Variants in ERBIN observed in about 807,000 individuals in gnomAD.
ERBIN encodes densin-180-like protein.
In ERBIN, 60 loss-of-function variants were observed where a neutral mutation model predicts 158.4. The observed-to-expected ratio is 0.38, with a 90% confidence interval of 0.31 to 0.47. ERBIN has a LOEUF of 0.47. Ranked by LOEUF, ERBIN falls within the 20% of genes least tolerant of loss-of-function variation. ERBIN has a pLI of 0.99. For missense variants in ERBIN, 1,610 were observed against 1,648.0 expected (o/e 0.98, Z 0.40); for synonymous variants, 594 against 557.2 (o/e 1.07, Z -0.93).
rs1758446419 is a variant in ERBIN at position 66,046,411 on chromosome 5, T to C, written c.1661T>C (p.Ile554Thr). 2 of 1,606,812 alleles carry C rather than the reference T, an allele frequency of 1.2e-6. No homozygotes were observed. Among genetic ancestry groups the C allele is most frequent in the African/African-American group, 2.7e-5 (2 of 74,788 alleles). ...GTTGATGAAAGAGAAAAATATATGATAGGAAACTCTGTACAGAAGATCAGT... is the reference window on the plus strand; with the variant it reads ...GTTGATGAAAGAGAAAAATATATGACAGGAAACTCTGTACAGAAGATCAGT... ...SKVDEREKYM[I>T]GNSVQKISEP... The change falls in exon 18 of 26, where the codon ATA becomes ACA. Residue 554 changes from isoleucine (I) to threonine (T), a missense_variant. Physicochemically the swap from Ile to Thr is moderately conservative, Grantham distance 89. Around this residue, in one of 2 missense-constraint regions of ERBIN, gnomAD observed 596 missense variants for 711.9 expected, o/e 0.84. Coordinates refer to ENST00000284037, the MANE Select transcript of ERBIN (RefSeq NM_001253697.2).
intron 21 of ERBIN, among the ~76,000 whole-genome samples, chr5:66,061,311 T>C (rs948661445): frequency 2.0e-5 from 3 of 152,202 alleles, no homozygotes; most frequent in African/African-American, 7.2e-5. Context: ...CTTCTTTGAC[T>C]CTTTTGATCT....
At chr5:65,937,407 A>C (rs912024983) in intron 1 of ERBIN, among the ~76,000 whole-genome samples, 1 of 152,168 alleles carries the variant, frequency 6.6e-6, no homozygotes, top group Non-Finnish European at 1.5e-5. Context: ...TTTACTTCTG[A>C]AAGTCTGCCT....
intron 14 of ERBIN, among the ~76,000 whole-genome samples, chr5:66,029,569 TCTGTC>T (rs545193447): frequency 7.6e-4 from 110 of 144,996 alleles, no homozygotes; most frequent in South Asian, 2.9e-3. Flanking sequence ...TCTGTTCTGT[TCTGTC>T]CTGTCCTGTC....
chr5:65,997,437 T>A (rs1752554364), intron 4 of ERBIN, among the ~76,000 whole-genome samples: 1 of 152,210 alleles, frequency 6.6e-6, no homozygotes, highest in Non-Finnish European at 1.5e-5. Flanking sequence ...GTAGTCTTGT[T>A]TAGTATGTTT....
intron 1 of ERBIN, among the ~76,000 whole-genome samples, chr5:65,975,375 G>A (rs539928203): frequency 1.3e-5 from 2 of 152,144 alleles, no homozygotes; most frequent in Middle Eastern, 3.4e-3. Flanking sequence ...GCGCAATCTC[G>A]GCTCACTGTA....
chr5:65,986,222 C>T (rs529533149), intron 1 of ERBIN, among the ~76,000 whole-genome samples: 1 of 152,322 alleles, frequency 6.6e-6, no homozygotes, highest in East Asian at 1.9e-4. Flanking sequence ...GCTGCTTACT[C>T]AGTGTCCTAC....
intron 4 of ERBIN, among the ~76,000 whole-genome samples, chr5:66,004,683 G>A (rs1158844324): frequency 2.6e-5 from 4 of 152,136 alleles, no homozygotes; most frequent in East Asian, 3.8e-4. Flanking sequence ...TATTACATGC[G>A]TGAGCCACTG....
intron 25 of ERBIN, 34 bp downstream of exon 25, chr5:66,076,983 A>G: frequency 1.5e-6 from 2 of 1,367,680 alleles, no homozygotes; most frequent in East Asian, 2.4e-5. Context: ...TTTTCATTTT[A>G]TAACACTCTA....
chr5:66,044,013 T>G (rs1366059040), intron 16 of ERBIN, 124 bp from the exon 17 acceptor site: 7 of 580,204 alleles, frequency 1.2e-5, no homozygotes, highest in Non-Finnish European at 1.6e-5. Flanking sequence ...CTATCATCTG[T>G]CTTCACAGTT....
chr5:66,072,301 C>T lies in ERBIN; in HGVS notation c.3756+10C>T, dbSNP rs552589154. On this transcript the variant is annotated intron_variant, in intron 22 of 25. Coordinates refer to ENST00000284037, the MANE Select transcript of ERBIN (RefSeq NM_001253697.2). ...AGACAGCTTGATGAAAGTGGGTGCT[C>T]GGGAAAACAAAATGTAGTATCTGTG... The T allele has an allele frequency of 2.5e-5, 38 of 1,549,360 alleles. No homozygotes were observed. Among genetic ancestry groups the T allele is most frequent in the Admixed American group, 5.9e-5 (3 of 50,858 alleles).
At chr5:66,067,835 G>A (rs1409773457) in intron 21 of ERBIN, among the ~76,000 whole-genome samples, 8 of 152,144 alleles carry the variant, frequency 5.3e-5, no homozygotes, top group African/African-American at 1.9e-4. Context: ...AACTAGCCAG[G>A]CATGGTGGTG....
At chr5:65,999,592 A>C (rs1023744958) in intron 4 of ERBIN, among the ~76,000 whole-genome samples, 17 of 152,112 alleles carry the variant, frequency 1.1e-4, no homozygotes, top group Admixed American at 1.0e-3. Flanking sequence ...CCCTCCTTAC[A>C]AGTTAAAGAT....
chr5:66,018,596 T>A (rs1331436698), intron 7 of ERBIN, among the ~76,000 whole-genome samples: 1 of 85,994 alleles, frequency 1.2e-5, no homozygotes, highest in African/African-American at 4.1e-5. Context: ...TTATATAATA[T>A]ATATTATATA....
chr5:66,064,142 C>T (rs977197495), intron 21 of ERBIN, among the ~76,000 whole-genome samples: 3 of 152,092 alleles, frequency 2.0e-5, no homozygotes, highest in Non-Finnish European at 2.9e-5. Flanking sequence ...ATAGTAATCA[C>T]AGAAGATGGG....
At chr5:66,070,531 AT>A (rs1761433182) in intron 21 of ERBIN, among the ~76,000 whole-genome samples, 1 of 151,834 alleles carries the variant, frequency 6.6e-6, no homozygotes, top group Non-Finnish European at 1.5e-5. Context: ...TTTTTTTTTA[AT>A]TTGGAGCCTT....
rs1351590248 is a variant in ERBIN at position 66,080,217 on chromosome 5, C to T, written c.*1687C>T. The T allele has an allele frequency of 6.6e-6, 1 of 152,562 alleles. No homozygotes were observed. The highest frequency in any genetic ancestry group is 1.9e-4 in the East Asian group (1 of 5,206). 9.5% of individuals were successfully genotyped at this position (152,562 alleles called of 1,614,324 possible). A position where few individuals can be genotyped will look rare whatever the true frequency, so the allele number is the denominator to read the frequency against. On this transcript the variant is annotated 3_prime_UTR_variant, in exon 26 of 26. Coordinates refer to ENST00000284037, the MANE Select transcript of ERBIN (RefSeq NM_001253697.2). ...AAGTGAGTTGGACTCACTTTCCATT[C>T]TTGCTAGTCAGAGTAAGTAGGCAGC...
At chr5:66,075,295 T>A in intron 23 of ERBIN, 65 bp downstream of exon 23, 1 of 1,243,368 alleles carries the variant, frequency 8.0e-7, no homozygotes, top group Non-Finnish European at 1.2e-6. Flanking sequence ...ATAGGTTACT[T>A]AATTATTAGT....
At position 66,004,790 on chromosome 5, in the gene ERBIN, T is replaced by A. The variant is rs75600547; in HGVS notation, c.308-7259T>A. Among the ~76,000 whole-genome samples the A allele has an allele frequency of 3.3e-3, 500 of 152,220 alleles. 17 individuals are homozygous for A. The East Asian group carries it at 0.078, about 24-fold the overall frequency. ...TGAGGGTAGGCCTTGAGCAAAAACTTGAAGCCATGTGAATAACTAAGGTAA... is the reference window on the plus strand; with the variant it reads ...TGAGGGTAGGCCTTGAGCAAAAACTAGAAGCCATGTGAATAACTAAGGTAA... On this transcript the variant is annotated intron_variant, in intron 4 of 25. Coordinates refer to ENST00000284037, the MANE Select transcript of ERBIN (RefSeq NM_001253697.2).
Position 65,992,723 on chromosome 5 carries a change from C to A in ERBIN, c.5C>A (p.Thr2Asn). 1 of 1,588,054 alleles carries A rather than the reference C, an allele frequency of 6.3e-7. No individual in the cohort carries two copies. The highest frequency in any genetic ancestry group is 8.5e-7 in the Non-Finnish European group (1 of 1,171,596). Residue 2 changes from threonine to asparagine, a missense_variant, in exon 3 of 26, where the codon ACT (threonine) becomes AAT (asparagine). By Grantham distance (65) the Thr-to-Asn change is moderately conservative. This residue lies in a region of ERBIN where 596 missense variants were observed against 711.9 expected (regional missense o/e 0.84). Transcript: ENST00000284037. Reference sequence around the variant, plus strand: ...CGAATATTGCAGTGTCTAAAAATGACTACAAAACGAAGTTTGTTTGTGCGG... The same window carrying A: ...CGAATATTGCAGTGTCTAAAAATGAATACAAAACGAAGTTTGTTTGTGCGG... M[T>N]TKRSLFVRLV...
Sources: allele counts gnomAD v4.1 joint callset (sites outside exome capture counted in the v4.1 genomes callset), GRCh38; gene constraint gnomAD v4.1.1; regional missense constraint gnomAD v4.1.1; transcripts MANE v1.5; gene names NCBI Gene and HGNC (gene_info 2026-07-23, HGNC 2026-07-21).